RER1: variants seen among roughly 807,000 people sequenced by gnomAD.
RER1 encodes protein RER1.
A neutral mutation model predicts 28.3 loss-of-function variants in RER1; 6 were observed. That is an observed-to-expected ratio of 0.21 (90% confidence interval 0.12 to 0.42). The LOEUF (loss-of-function observed/expected upper bound fraction) is 0.42, where lower values mean the gene tolerates loss of function less well. Ranked by LOEUF, RER1 falls within the 10% of genes least tolerant of loss-of-function variation. RER1 has a pLI of 1.00. For synonymous variants in RER1, 110 were observed against 95.9 expected (o/e 1.15, Z -0.86); for missense variants, 159 against 252.9 (o/e 0.63, Z 2.52).
At position 2,397,032 on chromosome 1, in the gene RER1, C is replaced by T. The variant is rs1164632704; in HGVS notation, c.82-84C>T. 4.7e-6 allele frequency: 4 copies of T among 847,562 alleles called. No homozygotes were observed. The African/African-American group carries it at 5.0e-5, about 11-fold the overall frequency. 52.5% of individuals were successfully genotyped at this position (847,562 alleles called of 1,614,324 possible). On this transcript the variant is annotated intron_variant, in intron 2 of 6. Coordinates refer to ENST00000605895, the MANE Select transcript of RER1 (RefSeq NM_007033.5). The stretch of plus-strand genomic sequence containing the variant: ...AGCTGTTTTAAAAATTGAAAGCCAA[C>T]CCTAGCAGAAGGTACATTTTGTGGC...
Position 2,402,256 on chromosome 1 carries a change from G to A in RER1, c.415G>A (p.Asp139Asn), listed in dbSNP as rs1041543132. The change falls in exon 6 of 7, where the codon GAC becomes AAC. Residue 139 changes from aspartate (D) to asparagine (N), a missense_variant. Coordinates refer to ENST00000605895, the MANE Select transcript of RER1 (RefSeq NM_007033.5). ...TGTGGCTATGGTCTGTACTTTCTTC[G>A]ACGCTTTCAACGTCCCGGTGTTCTG... ...ILVAMVCTFF[D>N]AFNVPVFWPI... 6.2e-6 allele frequency: 10 copies of A among 1,614,098 alleles called. No homozygotes were observed. Among genetic ancestry groups the A allele is most frequent in the Admixed American group, 1.7e-5 (1 of 60,008 alleles).
At position 2,403,432 on chromosome 1, in the gene RER1, C is replaced by G. The variant is rs937441745; in HGVS notation, c.*308C>G. The G allele has an allele frequency of 8.6e-6, 3 of 349,404 alleles. No homozygotes were observed. Among genetic ancestry groups the G allele is most frequent in the Non-Finnish European group, 1.6e-5 (3 of 182,070 alleles). 21.6% of individuals were successfully genotyped at this position (349,404 alleles called of 1,614,324 possible). ...GGCGAGTGGCCGGTCCCCGCTGTGCCAGGTGGGCAGGCAGGAGCAAGGCCT... is the reference window on the plus strand; with the variant it reads ...GGCGAGTGGCCGGTCCCCGCTGTGCGAGGTGGGCAGGCAGGAGCAAGGCCT... On this transcript the variant is annotated 3_prime_UTR_variant, in exon 7 of 7. Transcript: ENST00000605895.
chr1:2,402,260 C>A lies in RER1; in HGVS notation c.419C>A (p.Ala140Asp). The change falls in exon 6 of 7, where the codon GCT becomes GAT. Residue 140 changes from alanine (A) to aspartate (D), a missense_variant. By Grantham distance (126) the Ala-to-Asp change is moderately radical. Coordinates refer to ENST00000605895, the MANE Select transcript of RER1 (RefSeq NM_007033.5). ...GCTATGGTCTGTACTTTCTTCGACG[C>A]TTTCAACGTCCCGGTGTTCTGGCCG... ...LVAMVCTFFD[A>D]FNVPVFWPIL... 6.2e-7 allele frequency: 1 copy of A among 1,614,244 alleles called. No individual in the cohort carries two copies.
chr1:2,393,479 G>A (rs1374097089), intron 1 of RER1, among the ~76,000 whole-genome samples: 1 of 152,216 alleles, frequency 6.6e-6, no homozygotes, highest in Admixed American at 6.5e-5. Flanking sequence ...GCAGAGAAGA[G>A]GACTGCAGAG....
rs773303566 is a variant in RER1 at position 2,405,168 on chromosome 1, C to T, written c.*2044C>T. 2.2e-5 allele frequency: 4 copies of T among 179,978 alleles called. No individual in the cohort carries two copies. The highest frequency in any genetic ancestry group is 2.2e-4 in the South Asian group (2 of 9,102). The allele number at this position is 179,978 out of a possible 1,614,324, so 11.1% of individuals were successfully genotyped here. A position where few individuals can be genotyped will look rare whatever the true frequency, so the allele number is the denominator to read the frequency against. ...TGAAGGTGTGTGTGCCAAATGCTTC[C>T]GACGGAGGTGCTGGCCTTGGTTGGT... On this transcript the variant is annotated 3_prime_UTR_variant, in exon 7 of 7. Coordinates refer to ENST00000605895, the MANE Select transcript of RER1 (RefSeq NM_007033.5).
intron 1 of RER1, chr1:2,395,010 G>C (rs1642747177): frequency 1.3e-5 from 2 of 152,306 alleles, no homozygotes; most frequent in South Asian, 2.1e-4. Context: ...GGCTTGGCTT[G>C]GCCTGCCCAG....
chr1:2,397,005 T>A (rs1642776881), intron 2 of RER1, 111 bp from the exon 3 acceptor site: 2 of 640,846 alleles, frequency 3.1e-6, no homozygotes, highest in Admixed American at 4.9e-5. Context: ...ACTCACTCTT[T>A]TAGCTGTTTT....
Position 2,403,884 on chromosome 1 carries a change from A to G in RER1, c.*760A>G, listed in dbSNP as rs1030856300. The G allele has an allele frequency of 6.6e-6, 1 of 152,384 alleles. No homozygotes were observed. Among genetic ancestry groups the G allele is most frequent in the Non-Finnish European group, 1.5e-5 (1 of 68,034 alleles). 9.4% of individuals were successfully genotyped at this position (152,384 alleles called of 1,614,324 possible). ...AGCAGACTGGCTTTGTAGGTTCAGCACTCGGCCCCCCACTGCGGGAGAGGC... is the reference window on the plus strand; with the variant it reads ...AGCAGACTGGCTTTGTAGGTTCAGCGCTCGGCCCCCCACTGCGGGAGAGGC... On this transcript the variant is annotated 3_prime_UTR_variant, in exon 7 of 7. Transcript: ENST00000605895.
At position 2,403,178 on chromosome 1, in the gene RER1, A is replaced by G; in HGVS notation, c.*54A>G. On this transcript the variant is annotated 3_prime_UTR_variant, in exon 7 of 7. Coordinates refer to ENST00000605895, the MANE Select transcript of RER1 (RefSeq NM_007033.5). Reference sequence around the variant, plus strand: ...GCAAGAACAGTTTTGAGCCATTGTTAACAATGCCTTTTTTCTTCACATAAA... The same window carrying G: ...GCAAGAACAGTTTTGAGCCATTGTTGACAATGCCTTTTTTCTTCACATAAA... 1 of 1,384,152 alleles carries G rather than the reference A, an allele frequency of 7.2e-7. No individual in the cohort carries two copies. The highest frequency in any genetic ancestry group is 1.2e-5 in the South Asian group (1 of 85,568). 85.7% of individuals were successfully genotyped at this position (1,384,152 alleles called of 1,614,324 possible). A position where few individuals can be genotyped will look rare whatever the true frequency, so the allele number is the denominator to read the frequency against.
chr1:2,401,321 CCTGCCTCCTCCTCCCTCCTT>C (rs2100406934), intron 5 of RER1, among the ~76,000 whole-genome samples: 3 of 48,060 alleles, frequency 6.2e-5, no homozygotes, highest in Admixed American at 1.8e-4. Flanking sequence ...CTCCCTCCTT[CCTGCCTCCTCCTCCCTCCTT>C]CTCCCTCCTT....
chr1:2,402,110 T>G (rs772430711), intron 5 of RER1, 97 bp from the exon 6 acceptor site: 2 of 1,612,868 alleles, frequency 1.2e-6, no homozygotes, highest in South Asian at 1.1e-5. Flanking sequence ...TGCTTCTGTT[T>G]GCGGGGACGG....
chr1:2,394,093 G>A (rs1366803714), intron 1 of RER1: 2 of 152,228 alleles, frequency 1.3e-5, no homozygotes, highest in East Asian at 3.8e-4. Flanking sequence ...CAGATGGCCT[G>A]GCTTTGGCCT....
intron 5 of RER1, 94 bp from the exon 6 acceptor site, chr1:2,402,113 G>C (rs747324990): frequency 6.2e-7 from 1 of 1,613,172 alleles, no homozygotes; most frequent in Admixed American, 1.7e-5. Context: ...TTCTGTTTGC[G>C]GGGACGGTCG....
chr1:2,401,405 T>A (rs202076236), intron 5 of RER1, among the ~76,000 whole-genome samples: 4 of 30,976 alleles, frequency 1.3e-4, no homozygotes, highest in East Asian at 1.1e-3. Flanking sequence ...TCCCTCCTCC[T>A]CCCTCCTTCC....
chr1:2,402,479 T>C (rs1642880812), intron 6 of RER1, 137 bp downstream of exon 6: 2 of 1,146,698 alleles, frequency 1.7e-6, no homozygotes, highest in Non-Finnish European at 2.5e-6. Flanking sequence ...GGCACCGTCT[T>C]GTGTGTGACG....
chr1:2,399,601 C>G (rs1312236592), intron 4 of RER1, 87 bp downstream of exon 4: 1 of 799,684 alleles, frequency 1.3e-6, no homozygotes, highest in Non-Finnish European at 2.2e-6. Flanking sequence ...TGGAAACACC[C>G]GAGACTCTTC....
At chr1:2,395,087 C>T (rs1346341249) in intron 1 of RER1, 1 of 152,426 alleles carries the variant, frequency 6.6e-6, no homozygotes, top group African/African-American at 2.4e-5. Flanking sequence ...AAATGGGGGT[C>T]ATGATGCCCT....
At chr1:2,392,284 C>T (rs1444800152) in intron 1 of RER1, among the ~76,000 whole-genome samples, 1 of 152,146 alleles carries the variant, frequency 6.6e-6, no homozygotes, top group Non-Finnish European at 1.5e-5. Context: ...CCCTGCTTGG[C>T]ATCTGGGGGA....
chr1:2,397,091 T>C, intron 2 of RER1, 25 bp from the exon 3 acceptor site: 3 of 1,527,730 alleles, frequency 2.0e-6, no homozygotes, highest in Non-Finnish European at 2.7e-6. Context: ...ACCTGCTTCA[T>C]GCTTTTGGAC....
Sources: gnomAD v4.1 joint callset for allele counts (sites outside exome capture counted in the v4.1 genomes callset) on GRCh38, gnomAD v4.1.1 for gene constraint, MANE v1.5 for transcripts, NCBI Gene and HGNC (gene_info 2026-07-23, HGNC 2026-07-21) for gene names.